Variants in RBFOX1 observed in about 807,000 individuals in gnomAD.
RBFOX1 encodes the protein RNA binding fox-1 homolog 1, also known as RNA binding protein fox-1 homolog 1.
A neutral mutation model predicts 57.7 loss-of-function variants in RBFOX1; 8 were observed. The observed-to-expected ratio is 0.14, with a 90% confidence interval of 0.08 to 0.25. The LOEUF is 0.25. RBFOX1 is among the 10% of genes least tolerant of loss of function. The pLI is 1.00. For missense variants in RBFOX1, 611 were observed against 548.5 expected (o/e 1.11, Z -1.14); for synonymous variants, 326 against 222.4 (o/e 1.47, Z -4.15).
At chr16:6,959,860 C>T (rs951657289) in intron 3 of RBFOX1, among the ~76,000 whole-genome samples, 4 of 152,116 alleles carry the variant, frequency 2.6e-5, no homozygotes, top group African/African-American at 9.7e-5. Flanking sequence ...TCGCTTGAAC[C>T]TAGGAGGCGG....
intron 3 of RBFOX1, among the ~76,000 whole-genome samples, chr16:5,856,219 A>ATATATATATATACATATATATGTG (rs2057043544): frequency 2.9e-5 from 1 of 34,482 alleles, no homozygotes; most frequent in African/African-American, 7.6e-5. Flanking sequence ...ATATATATGT[A>ATATATATATATACATATATATGTG]TATATATATG....
Position 7,328,477 on chromosome 16 carries a change from C to CAAAAA in RBFOX1, c.28-189651_28-189647dup, listed in dbSNP as rs58553232. Among the ~76,000 whole-genome samples, 85 of 60,654 alleles carry CAAAAA rather than the reference C, an allele frequency of 1.4e-3. 1 individual carries two copies. Among genetic ancestry groups the CAAAAA allele is most frequent in the African/African-American group, 2.6e-3 (42 of 16,288 alleles). 39.8% of individuals were successfully genotyped at this position (60,654 alleles called of 152,430 possible). A position where few individuals can be genotyped will look rare whatever the true frequency, so the allele number is the denominator to read the frequency against. The stretch of plus-strand genomic sequence containing the variant: ...CCTGGGACAGAGCGAGACTCTGTCT[C>CAAAAA]AAAAAAAAAAAAAAAAAAAAAAAGA... On this transcript the variant is annotated intron_variant, in intron 4 of 15. Transcript: ENST00000550418.
chr16:7,076,102 C>T (rs780778245), intron 4 of RBFOX1, among the ~76,000 whole-genome samples: 2 of 148,616 alleles, frequency 1.3e-5, no homozygotes, highest in Non-Finnish European at 3.0e-5. Context: ...ACTGCCATGG[C>T]GCGATCTCGG....
chr16:7,592,804 T>C (rs1602733101), intron 7 of RBFOX1, among the ~76,000 whole-genome samples: 1 of 152,068 alleles, frequency 6.6e-6, no homozygotes, highest in East Asian at 1.9e-4. Flanking sequence ...CAATATAAAA[T>C]TCTATTTATT....
At chr16:5,858,489 C>T (rs770710136) in intron 3 of RBFOX1, among the ~76,000 whole-genome samples, 16 of 152,268 alleles carry the variant, frequency 1.1e-4, no homozygotes, top group Non-Finnish European at 1.3e-4. Context: ...TCAGTCCCTC[C>T]CTCCCCTGTG....
intron 1 of RBFOX1, among the ~76,000 whole-genome samples, chr16:5,307,383 C>T (rs2063966070): frequency 2.0e-5 from 3 of 152,176 alleles, no homozygotes; most frequent in African/African-American, 4.8e-5. Context: ...TCTTCCCCTC[C>T]CTCCCTCCAT....
intron 3 of RBFOX1, chr16:5,632,329 C>T (rs1005800960): frequency 3.3e-5 from 5 of 152,358 alleles, no homozygotes; most frequent in East Asian, 3.9e-4. Flanking sequence ...GTCCCTTGGG[C>T]AAGCCCTTTT....
chr16:6,101,410 G>C (rs1453324875), intron 1 of RBFOX1, among the ~76,000 whole-genome samples: 1 of 152,120 alleles, frequency 6.6e-6, no homozygotes, highest in Non-Finnish European at 1.5e-5. Context: ...TTTCTCACAA[G>C]GCAGCCTGGA....
chr16:6,291,241 C>A (rs1297548950), intron 1 of RBFOX1, among the ~76,000 whole-genome samples: 1 of 152,096 alleles, frequency 6.6e-6, no homozygotes, highest in Middle Eastern at 3.2e-3. Flanking sequence ...ATTAGAATTC[C>A]TTAACCATCT....
At chr16:6,461,399 C>A (rs1264308335) in intron 2 of RBFOX1, among the ~76,000 whole-genome samples, 10 of 152,194 alleles carry the variant, frequency 6.6e-5, no homozygotes, top group Non-Finnish European at 1.2e-4. Context: ...GGGATTAAGA[C>A]TTCAACGTAT....
At chr16:7,548,056 C>G (rs920575297) in intron 5 of RBFOX1, among the ~76,000 whole-genome samples, 2 of 152,248 alleles carry the variant, frequency 1.3e-5, no homozygotes, top group Non-Finnish European at 2.9e-5. Context: ...ATAAGCTAGA[C>G]AGGCACATTT....
intron 4 of RBFOX1, among the ~76,000 whole-genome samples, chr16:7,177,434 A>G (rs2081901106): frequency 6.6e-6 from 1 of 152,064 alleles, no homozygotes; most frequent in Non-Finnish European, 1.5e-5. Context: ...CATTCTATGC[A>G]TGTAACAAAA....
At chr16:5,383,482 G>A (rs1196592058) in intron 1 of RBFOX1, among the ~76,000 whole-genome samples, 1 of 152,216 alleles carries the variant, frequency 6.6e-6, no homozygotes, top group Non-Finnish European at 1.5e-5. Flanking sequence ...CCAACTGCAT[G>A]CATGCTATGC....
intron 3 of RBFOX1, among the ~76,000 whole-genome samples, chr16:6,841,411 A>G (rs139380365): frequency 2.2e-3 from 340 of 152,228 alleles, no homozygotes; most frequent in African/African-American, 7.9e-3. Flanking sequence ...GTTAATTGAC[A>G]TCCTGTTTTC....
At chr16:5,483,830 C>T (rs1020068031) in intron 2 of RBFOX1, among the ~76,000 whole-genome samples, 10 of 152,074 alleles carry the variant, frequency 6.6e-5, no homozygotes, top group African/African-American at 2.4e-4. Context: ...TGTGCAATGG[C>T]TTTGTGGGGT....
rs562831222 is a variant in RBFOX1, at chr16:6,627,056, G to A, written c.-63-27547G>A. Among the ~76,000 whole-genome samples, 9 of 152,310 alleles carry A rather than the reference G, an allele frequency of 5.9e-5. No homozygotes were observed. In the South Asian group the frequency reaches 1.4e-3, roughly 25 times the overall value. On this transcript the variant is annotated intron_variant, in intron 2 of 15. Transcript: ENST00000550418. ...CCCATCTGCCTTCTGAAAGAACCAG[G>A]GTTCTAGTCCTGGCGGTCTGGCTCT...
intron 4 of RBFOX1, among the ~76,000 whole-genome samples, chr16:7,108,434 A>T (rs1390779394): frequency 6.6e-6 from 1 of 152,214 alleles, no homozygotes; most frequent in Non-Finnish European, 1.5e-5. Flanking sequence ...AACATTACAT[A>T]GTTTAGGTAT....
chr16:7,588,738 T>C (rs2094272221), intron 7 of RBFOX1, among the ~76,000 whole-genome samples: 1 of 152,202 alleles, frequency 6.6e-6, no homozygotes, highest in Non-Finnish European at 1.5e-5. Flanking sequence ...TTTGGATGTG[T>C]ATAACCATCT....
intron 2 of RBFOX1, among the ~76,000 whole-genome samples, chr16:6,485,352 C>A (rs886920517): frequency 6.6e-6 from 1 of 151,330 alleles, no homozygotes; most frequent in African/African-American, 2.4e-5. Flanking sequence ...TCTCTTACCC[C>A]TCTTCTCTTC....
Sources: allele counts gnomAD v4.1 joint callset (sites outside exome capture counted in the v4.1 genomes callset), GRCh38; gene constraint gnomAD v4.1.1; transcripts MANE v1.5; gene names NCBI Gene and HGNC (gene_info 2026-07-23, HGNC 2026-07-21).